The following THEMIS variants were observed in gnomAD, a reference collection of about 807,000 sequenced individuals.
The protein encoded by THEMIS is thymocyte selection associated.
A neutral mutation model predicts 52.6 loss-of-function variants in THEMIS; 37 were observed. That is an observed-to-expected ratio of 0.70 (90% confidence interval 0.54 to 0.93). The LOEUF is 0.93. THEMIS is among the 40% of genes least tolerant of loss of function. The probability of loss-of-function intolerance (pLI) is 0.00; values close to 1 mark genes in which losing one functional copy is unlikely to be tolerated. For synonymous variants in THEMIS, 292 were observed against 272.7 expected (o/e 1.07, Z -0.70); for missense variants, 808 against 763.1 (o/e 1.06, Z -0.69).
At chr6:127,745,333 G>A (rs952319470) in intron 4 of THEMIS, among the ~76,000 whole-genome samples, 1 of 151,802 alleles carries the variant, frequency 6.6e-6, no homozygotes, top group Non-Finnish European at 1.5e-5. Context: ...CCATTAAATT[G>A]ACAATCAAAA....
chr6:127,699,369 G>A, the THEMIS span, among the ~76,000 whole-genome samples: 4 of 150,992 alleles, frequency 2.6e-5, no homozygotes, highest in South Asian at 4.2e-4. Flanking sequence ...ATTTAATTAA[G>A]TAACATCTCA....
intron 4 of THEMIS, among the ~76,000 whole-genome samples, chr6:127,775,245 T>C (rs1280782850): frequency 6.6e-6 from 1 of 152,170 alleles, no homozygotes; most frequent in African/African-American, 2.4e-5. Flanking sequence ...CGCAAAAGTG[T>C]TTTTATGTTT....
At chr6:127,859,338 A>G (rs1779719313) in intron 1 of THEMIS, among the ~76,000 whole-genome samples, 1 of 152,134 alleles carries the variant, frequency 6.6e-6, no homozygotes. Context: ...GTGCTCTGAT[A>G]GCACTTCATG....
chr6:127,717,592 G>A (rs960126106), intron 5 of THEMIS, among the ~76,000 whole-genome samples: 1 of 151,768 alleles, frequency 6.6e-6, no homozygotes, highest in Non-Finnish European at 1.5e-5. Flanking sequence ...CCTGAGTGAG[G>A]TTTTACCGTA....
chr6:127,892,031 T>A (rs772520574), intron 1 of THEMIS, among the ~76,000 whole-genome samples: 1 of 152,152 alleles, frequency 6.6e-6, no homozygotes, highest in African/African-American at 2.4e-5. Flanking sequence ...TGCTCCAAAA[T>A]CATTTCTTCA....
At chr6:127,908,037 C>T (rs564282068) in intron 1 of THEMIS, among the ~76,000 whole-genome samples, 48 of 152,014 alleles carry the variant, frequency 3.2e-4, no homozygotes, top group Non-Finnish European at 6.2e-4. Context: ...AAAATGCAAC[C>T]GCCTATGAAT....
At chr6:127,862,232 G>C (rs1562307413) in intron 1 of THEMIS, among the ~76,000 whole-genome samples, 1 of 151,986 alleles carries the variant, frequency 6.6e-6, no homozygotes, top group Non-Finnish European at 1.5e-5. Flanking sequence ...CTAGCTAAAA[G>C]ACACAGGAAT....
intron 4 of THEMIS, among the ~76,000 whole-genome samples, chr6:127,785,256 T>TATC (rs60970419): frequency 7.0e-6 from 1 of 142,646 alleles, no homozygotes. Context: ...ATCTATCATC[T>TATC]ATCTATTTAT....
At chr6:127,901,136 A>G, upstream of THEMIS, 1 of 583,398 alleles carries the variant, frequency 1.7e-6, no homozygotes, top group Admixed American at 3.0e-5. Context: ...AAAAAATGTT[A>G]TAGCTCTTTT....
At chr6:127,703,899 A>C (rs1454918513), downstream of THEMIS, among the ~76,000 whole-genome samples, 1 of 152,166 alleles carries the variant, frequency 6.6e-6, no homozygotes, top group Non-Finnish European at 1.5e-5. Flanking sequence ...GAGGCTAAGA[A>C]GTCTAAGATC....
At chr6:127,816,815 A>C (rs923888485) in intron 3 of THEMIS, among the ~76,000 whole-genome samples, 1 of 152,140 alleles carries the variant, frequency 6.6e-6, no homozygotes, top group African/African-American at 2.4e-5. Flanking sequence ...CCTGGGTCTC[A>C]TCTGCTACTC....
intron 1 of THEMIS, among the ~76,000 whole-genome samples, chr6:127,883,093 C>G (rs1302486065): frequency 6.6e-6 from 1 of 151,912 alleles, no homozygotes; most frequent in African/African-American, 2.4e-5. Flanking sequence ...AAAGACAAGA[C>G]AAACGTAGTT....
intron 1 of THEMIS, among the ~76,000 whole-genome samples, chr6:127,858,104 AAGG>A (rs1230538283): frequency 7.2e-5 from 11 of 152,076 alleles, no homozygotes; most frequent in Admixed American, 7.2e-4. Context: ...CTTTCTTTTA[AAGG>A]TTCAATTGGA....
chr6:127,866,795 G>A (rs1210181258), intron 1 of THEMIS, among the ~76,000 whole-genome samples: 1 of 151,524 alleles, frequency 6.6e-6, no homozygotes, highest in Non-Finnish European at 1.5e-5. Flanking sequence ...ACCAATAAAA[G>A]CCAAAAGATC....
chr6:127,881,005 A>G (rs958337917), intron 1 of THEMIS, among the ~76,000 whole-genome samples: 2 of 152,112 alleles, frequency 1.3e-5, no homozygotes, highest in Non-Finnish European at 2.9e-5. Flanking sequence ...AGATGTTCCA[A>G]GTAAAATGTA....
At chr6:127,759,675 A>G (rs1443994098) in intron 4 of THEMIS, among the ~76,000 whole-genome samples, 1 of 152,088 alleles carries the variant, frequency 6.6e-6, no homozygotes, top group African/African-American at 2.4e-5. Context: ...CATCACATCT[A>G]TCGCTACATC....
chr6:127,710,101 C>A, intron 5 of THEMIS, 85 bp from the exon 6 acceptor site: 1 of 833,554 alleles, frequency 1.2e-6, no homozygotes, highest in Non-Finnish European at 1.8e-6. Context: ...ATACTGTCGA[C>A]ACTCACATGC....
At chr6:127,793,084 A>G (rs1777212069) in intron 4 of THEMIS, among the ~76,000 whole-genome samples, 2 of 152,182 alleles carry the variant, frequency 1.3e-5, no homozygotes, top group Admixed American at 1.3e-4. Flanking sequence ...GGGAAACAAT[A>G]TTGTGATATT....
At chr6:127,880,977 T>C (rs1258599616) in intron 1 of THEMIS, among the ~76,000 whole-genome samples, 1 of 152,140 alleles carries the variant, frequency 6.6e-6, no homozygotes, top group Non-Finnish European at 1.5e-5. Context: ...CAAGTATTTA[T>C]TGAGTGTGAA....
Sources: gnomAD v4.1 joint callset for allele counts (sites outside exome capture counted in the v4.1 genomes callset) on GRCh38, gnomAD v4.1.1 for gene constraint, MANE v1.5 for transcripts, NCBI Gene and HGNC (gene_info 2026-07-23, HGNC 2026-07-21) for gene names.